DNAJC1: variants seen among roughly 807,000 people sequenced by gnomAD.
DNAJC1 encodes the protein DnaJ heat shock protein family (Hsp40) member C1.
A neutral mutation model predicts 76.6 loss-of-function variants in DNAJC1; 58 were observed. The observed-to-expected ratio is 0.76, with a 90% CI of 0.61 to 0.94. DNAJC1 has a LOEUF of 0.94. Ranked by LOEUF, DNAJC1 falls within the 40% of genes least tolerant of loss-of-function variation. DNAJC1 has a pLI of 0.00. For missense variants in DNAJC1, 689 were observed against 677.3 expected, an observed-to-expected ratio of 1.02 and a Z score of -0.19; for synonymous variants, 258 against 267.9, an observed-to-expected ratio of 0.96 and a Z score of 0.36.
intron 6 of DNAJC1, among the ~76,000 whole-genome samples, chr10:21,906,917 T>G (rs1475656077): frequency 2.0e-5 from 3 of 152,206 alleles, no homozygotes; most frequent in Non-Finnish European, 4.4e-5. Flanking sequence ...ACAAGGATCT[T>G]GTTTTCCAAC....
At chr10:22,001,948 T>C (rs1047248918) in intron 1 of DNAJC1, among the ~76,000 whole-genome samples, 3 of 152,214 alleles carry the variant, frequency 2.0e-5, no homozygotes, top group Non-Finnish European at 2.9e-5. Context: ...ATCATAAATA[T>C]AGTTATTACA....
chr10:21,832,459 T>C (rs1426471265), intron 8 of DNAJC1, among the ~76,000 whole-genome samples: 2 of 152,190 alleles, frequency 1.3e-5, no homozygotes, highest in East Asian at 3.8e-4. Context: ...ACTTAGCACA[T>C]ACCAAACTGA....
chr10:21,920,742 A>G, intron 4 of DNAJC1, 56 bp downstream of exon 4: 1 of 1,498,936 alleles, frequency 6.7e-7, no homozygotes, highest in African/African-American at 1.4e-5. Context: ...ATAAATGTCC[A>G]AAATTCCATA....
intron 7 of DNAJC1, among the ~76,000 whole-genome samples, chr10:21,901,961 T>C (rs1336858616): frequency 1.3e-5 from 2 of 152,224 alleles, no homozygotes; most frequent in East Asian, 1.9e-4. Context: ...GTTAATAAAA[T>C]TAATTAAAAT....
At chr10:21,950,249 T>C (rs530710943) in intron 1 of DNAJC1, among the ~76,000 whole-genome samples, 1 of 152,324 alleles carries the variant, frequency 6.6e-6, no homozygotes, top group African/African-American at 2.4e-5. Flanking sequence ...GTATCACATT[T>C]TGGTAACTCT....
intron 11 of DNAJC1, among the ~76,000 whole-genome samples, chr10:21,757,943 A>G (rs1319795563): frequency 6.6e-6 from 1 of 152,140 alleles, no homozygotes; most frequent in Non-Finnish European, 1.5e-5. Context: ...CTTCGTTTAT[A>G]AGCCAGTGTG....
chr10:21,836,487 G>C (rs1835457386), intron 8 of DNAJC1, among the ~76,000 whole-genome samples: 1 of 152,160 alleles, frequency 6.6e-6, no homozygotes, highest in African/African-American at 2.4e-5. Flanking sequence ...ATATTAACCT[G>C]AAATGTAAAT....
At position 21,899,663 on chromosome 10, in the gene DNAJC1, C is replaced by T. The variant is rs145699640; in HGVS notation, c.820+4859G>A. On this transcript the variant is annotated intron_variant, in intron 7 of 11. Transcript: ENST00000376980. ...CTCCCTGTGGGGGCTTCAGCCACTCCAGCCAGAGTTCTACGAACAGAGCTC... is the reference window on the plus strand; with the variant it reads ...CTCCCTGTGGGGGCTTCAGCCACTCTAGCCAGAGTTCTACGAACAGAGCTC... Among the ~76,000 whole-genome samples, 317 of 152,344 alleles carry T rather than the reference C, an allele frequency of 2.1e-3. 1 individual carries two copies. Among genetic ancestry groups the T allele is most frequent in the African/African-American group, 7.1e-3 (294 of 41,584 alleles).
At chr10:21,992,486 G>A (rs1167175770) in intron 1 of DNAJC1, among the ~76,000 whole-genome samples, 2 of 151,956 alleles carry the variant, frequency 1.3e-5, no homozygotes, top group African/African-American at 2.4e-5. Flanking sequence ...CCAGGAGAAC[G>A]AGGTTGCAGT....
intron 1 of DNAJC1, among the ~76,000 whole-genome samples, chr10:21,937,220 A>G (rs1476606419): frequency 3.9e-5 from 6 of 152,146 alleles, no homozygotes; most frequent in Non-Finnish European, 7.4e-5. Context: ...CATGGTGTCT[A>G]TAAGAGACTC....
At chr10:21,851,975 C>T (rs1055612193) in intron 8 of DNAJC1, among the ~76,000 whole-genome samples, 1 of 151,850 alleles carries the variant, frequency 6.6e-6, no homozygotes, top group South Asian at 2.1e-4. Context: ...ATGGTGTGAA[C>T]CCGGGAGGCG....
chr10:21,756,763 A>G lies in DNAJC1; in HGVS notation c.1597-8T>C, dbSNP rs1406694362. ...CCTAGCGATACAGTCTTCCTGTAGG[A>G]AGAAAAAAAGAGAGGTGAGAACAGT... On this transcript the variant is annotated splice_region_variant and splice_polypyrimidine_tract_variant and intron_variant, in intron 11 of 11. Transcript: ENST00000376980. 1 of 1,612,280 alleles carries G rather than the reference A, an allele frequency of 6.2e-7. No homozygotes were observed. The highest frequency in any genetic ancestry group is 1.7e-5 in the Admixed American group (1 of 60,026).
At chr10:21,857,027 T>C (rs555916115) in intron 8 of DNAJC1, among the ~76,000 whole-genome samples, 1 of 152,262 alleles carries the variant, frequency 6.6e-6, no homozygotes, top group South Asian at 2.1e-4. Context: ...CATGCCACCA[T>C]GTCCAGCCGA....
chr10:21,848,461 A>C (rs1394645492), intron 8 of DNAJC1, among the ~76,000 whole-genome samples: 1 of 151,896 alleles, frequency 6.6e-6, no homozygotes, highest in Non-Finnish European at 1.5e-5. Context: ...CTTTTTGTCT[A>C]TTTTTGCTTT....
At chr10:21,780,704 C>T (rs1834517282) in intron 9 of DNAJC1, among the ~76,000 whole-genome samples, 1 of 152,118 alleles carries the variant, frequency 6.6e-6, no homozygotes, top group African/African-American at 2.4e-5. Context: ...GCAAAATAAC[C>T]AACTAACATC....
At chr10:21,824,631 G>T (rs1479969131) in intron 8 of DNAJC1, among the ~76,000 whole-genome samples, 2 of 152,120 alleles carry the variant, frequency 1.3e-5, no homozygotes, top group Admixed American at 1.3e-4. Flanking sequence ...TCTACAGCCT[G>T]GGCAAACCAC....
intron 1 of DNAJC1, among the ~76,000 whole-genome samples, chr10:21,975,247 A>G (rs1838043771): frequency 6.6e-6 from 1 of 152,116 alleles, no homozygotes; most frequent in Non-Finnish European, 1.5e-5. Context: ...AATGAGGTAT[A>G]AAGGAGTAGA....
chr10:21,761,153 C>G (rs1050571680), intron 10 of DNAJC1, among the ~76,000 whole-genome samples: 2 of 152,206 alleles, frequency 1.3e-5, no homozygotes, highest in African/African-American at 4.8e-5. Context: ...GCACTCCAGC[C>G]TGGGAAACAA....
At chr10:21,837,357 TC>T (rs1312158036) in intron 8 of DNAJC1, among the ~76,000 whole-genome samples, 1 of 152,058 alleles carries the variant, frequency 6.6e-6, no homozygotes, top group Non-Finnish European at 1.5e-5. Flanking sequence ...GAGAAGCGTC[TC>T]TGCCTGGCCG....
Sources: gnomAD v4.1 joint callset for allele counts (sites outside exome capture counted in the v4.1 genomes callset) on GRCh38, gnomAD v4.1.1 for gene constraint, MANE v1.5 for transcripts, NCBI Gene and HGNC (gene_info 2026-07-23, HGNC 2026-07-21) for gene names.